The following DNAH14 variants were observed in gnomAD, a reference collection of about 807,000 sequenced individuals.
The protein encoded by DNAH14 is axonemal beta dynein heavy chain 14.
Under a neutral mutation model 520.9 loss-of-function variants are expected in DNAH14, and 478 were observed. That is an observed-to-expected ratio of 0.92 (90% CI 0.85 to 0.99). The LOEUF (loss-of-function observed/expected upper bound fraction) is 0.99, where lower values mean the gene tolerates loss of function less well. Among genes scored for constraint, DNAH14 ranks in the 50% least tolerant of loss-of-function variants. The pLI is 0.00. For missense variants in DNAH14, 4,831 were observed against 5,234.5 expected (o/e 0.92, Z 2.38); for synonymous variants, 1,581 against 1,757.2 (o/e 0.90, Z 2.51).
intron 17 of DNAH14, among the ~76,000 whole-genome samples, chr1:225,056,846 T>C (rs1285166159): frequency 1.3e-5 from 2 of 152,218 alleles, no homozygotes; most frequent in South Asian, 2.1e-4. Context: ...GTTGTAGATA[T>C]GTGGAATTAT....
At chr1:224,991,823 T>C (rs946235709) in intron 8 of DNAH14, among the ~76,000 whole-genome samples, 1 of 152,100 alleles carries the variant, frequency 6.6e-6, no homozygotes, top group Non-Finnish European at 1.5e-5. Context: ...GTTGATTCCA[T>C]GTCTTTGCTG....
At chr1:225,078,805 TCTC>T in intron 17 of DNAH14, among the ~76,000 whole-genome samples, 1 of 45,724 alleles carries the variant, frequency 2.2e-5, no homozygotes, top group African/African-American at 5.3e-5. Flanking sequence ...TCTCTCTCTC[TCTC>T]TCTCTCTCTC....
At chr1:225,118,896 A>C (rs1196402488) in intron 25 of DNAH14, among the ~76,000 whole-genome samples, 1 of 151,666 alleles carries the variant, frequency 6.6e-6, no homozygotes, top group Non-Finnish European at 1.5e-5. Context: ...CAAAAAAAAA[A>C]AAAAAAAAGA....
intron 83 of DNAH14, among the ~76,000 whole-genome samples, chr1:225,391,625 G>A (rs1018652010): frequency 1.3e-5 from 2 of 152,060 alleles, no homozygotes; most frequent in African/African-American, 4.8e-5. Flanking sequence ...GACAGGGGTG[G>A]GGGGAGAAGG....
chr1:225,339,225 C>T lies in DNAH14; in HGVS notation c.10433+1043C>T, dbSNP rs540075600. ...ACATGGGAGGCTGAGGCAGGAGAAT[C>T]GCTTGAACCTGGGAGGCAGAGGTTG... On this transcript the variant is annotated intron_variant, in intron 68 of 85. Transcript: ENST00000682510. Among the ~76,000 whole-genome samples the T allele has an allele frequency of 4.6e-5, 7 of 151,580 alleles. No individual in the cohort carries two copies. In the South Asian group the frequency reaches 6.2e-4, roughly 14 times the overall value.
chr1:225,312,778 C>T (rs1278925541), intron 60 of DNAH14, among the ~76,000 whole-genome samples: 2 of 152,154 alleles, frequency 1.3e-5, no homozygotes, highest in Admixed American at 6.5e-5. Flanking sequence ...ACCAACCTTG[C>T]GTCCAGGGAT....
At position 225,381,411 on chromosome 1, in the gene DNAH14, G is replaced by A; in HGVS notation, c.12909G>A (p.Leu4303=). The A allele has an allele frequency of 5.8e-6, 9 of 1,549,880 alleles. No individual in the cohort carries two copies. Among genetic ancestry groups the A allele is most frequent in the South Asian group, 1.2e-5 (1 of 83,302 alleles). The change falls in exon 81 of 86, where the codon TTG becomes TTA. Residue 4303 remains leucine (L), a synonymous_variant. Coordinates refer to ENST00000682510, the MANE Select transcript of DNAH14 (RefSeq NM_001367479.1). ...ACGACCCCCTTATCCATTGTGTCTT[G>A]CTAACCTTTTTGAAGCAAGAAATTA... The part of the protein sequence containing the change: ...KDHDPLIHCV[L]LTFLKQEIKR...
At chr1:225,024,785 G>A (rs1241973520) in intron 11 of DNAH14, among the ~76,000 whole-genome samples, 3 of 152,038 alleles carry the variant, frequency 2.0e-5, no homozygotes, top group Non-Finnish European at 2.9e-5. Flanking sequence ...AACATTGCGT[G>A]TGTGTGTTTA....
intron 17 of DNAH14, among the ~76,000 whole-genome samples, chr1:225,063,632 A>G (rs2070462282): frequency 6.6e-6 from 1 of 152,140 alleles, no homozygotes; most frequent in South Asian, 2.1e-4. Context: ...AAACAAAAAC[A>G]GAGACTCAGT....
intron 21 of DNAH14, among the ~76,000 whole-genome samples, chr1:225,095,603 C>T (rs903604648): frequency 6.6e-6 from 1 of 152,118 alleles, no homozygotes; most frequent in Admixed American, 6.5e-5. Context: ...CTGTGACACG[C>T]AATTTACTTG....
Position 225,079,512 on chromosome 1 carries a change from T to C in DNAH14, c.2730T>C (p.Ser910=). 6.6e-7 allele frequency: 1 copy of C among 1,524,802 alleles called. No homozygotes were observed. The highest frequency in any genetic ancestry group is 8.8e-7 in the Non-Finnish European group (1 of 1,140,846). 94.5% of individuals were successfully genotyped at this position (1,524,802 alleles called of 1,614,324 possible). A position where few individuals can be genotyped will look rare whatever the true frequency, so the allele number is the denominator to read the frequency against. ...KFRDNLEACI[S]GLHVDVGNLK... Reference sequence around the variant, plus strand: ...GAGATAACTTGGAAGCATGTATCAGTGGTCTACATGTTGATGTTGGCAATT... The same window carrying C: ...GAGATAACTTGGAAGCATGTATCAGCGGTCTACATGTTGATGTTGGCAATT... The change falls in exon 18 of 86, where the codon AGT becomes AGC. Residue 910 remains serine (S), a synonymous_variant. Transcript: ENST00000682510.
intron 32 of DNAH14, 137 bp downstream of exon 32, chr1:225,152,210 A>G: frequency 1.4e-6 from 1 of 692,438 alleles, no homozygotes; most frequent in Non-Finnish European, 2.4e-6. Context: ...TTCCACTCCC[A>G]ACACCATTTA....
At chr1:225,358,392 A>T (rs1024828542) in intron 73 of DNAH14, 104 bp from the exon 74 acceptor site, 4 of 1,082,754 alleles carry the variant, frequency 3.7e-6, no homozygotes, top group Non-Finnish European at 5.1e-6. Flanking sequence ...TCTGGCTGAA[A>T]AGCTAAAAAA....
chr1:225,091,882 C>T (rs569773627), intron 21 of DNAH14, among the ~76,000 whole-genome samples: 3 of 151,986 alleles, frequency 2.0e-5, no homozygotes, highest in Non-Finnish European at 2.9e-5. Context: ...GAAAAATCTA[C>T]CAAGAAAACA....
At chr1:225,382,509 C>G (rs1575125132) in intron 81 of DNAH14, among the ~76,000 whole-genome samples, 1 of 152,130 alleles carries the variant, frequency 6.6e-6, no homozygotes, top group East Asian at 1.9e-4. Flanking sequence ...AGTTTGAGAC[C>G]AGCCTGGCAA....
intron 43 of DNAH14, among the ~76,000 whole-genome samples, chr1:225,247,162 T>G (rs1574274100): frequency 6.6e-6 from 1 of 151,528 alleles, no homozygotes; most frequent in South Asian, 2.1e-4. Flanking sequence ...CATTCATAAA[T>G]GGGAGTTGAA....
In DNAH14 at chr1:225,308,371, T is replaced by C. The variant is rs2094292806; in HGVS notation, c.9201T>C (p.Ile3067=). The C allele has an allele frequency of 6.5e-7, 1 of 1,541,968 alleles. No individual in the cohort carries two copies. Among genetic ancestry groups the C allele is most frequent in the Non-Finnish European group, 8.7e-7 (1 of 1,144,496 alleles). ...VQMLVKQDEE[I]VAEEVRIVED... ...TGCTTGTTAAACAGGATGAAGAAAT[T>C]GTGGCAGAAGAAGTAAGAATTGTGG... is the stretch of plus-strand genomic sequence containing the variant. The change falls in exon 60 of 86, where the codon ATT becomes ATC. Residue 3067 remains isoleucine (I), a synonymous_variant. Transcript: ENST00000682510.
At chr1:225,338,466 G>A (rs1254686598) in intron 68 of DNAH14, among the ~76,000 whole-genome samples, 3 of 152,114 alleles carry the variant, frequency 2.0e-5, no homozygotes, top group Admixed American at 6.5e-5. Flanking sequence ...GGGAGCAAGC[G>A]AGAAGCCTGG....
intron 69 of DNAH14, among the ~76,000 whole-genome samples, chr1:225,343,214 A>C (rs1039849232): frequency 4.6e-5 from 7 of 152,202 alleles, no homozygotes; most frequent in Admixed American, 1.3e-4. Flanking sequence ...TGTGATGGGG[A>C]GTTCCAGTAT....
Sources: allele counts gnomAD v4.1 joint callset (sites outside exome capture counted in the v4.1 genomes callset), GRCh38; gene constraint gnomAD v4.1.1; transcripts MANE v1.5; gene names NCBI Gene and HGNC (gene_info 2026-07-23, HGNC 2026-07-21).